Variants in EPC1 observed in about 807,000 individuals in gnomAD.
EPC1 encodes enhancer of polycomb homolog 1.
A neutral mutation model predicts 98.4 loss-of-function variants in EPC1; 12 were observed. The observed-to-expected ratio is 0.12, with a 90% confidence interval of 0.08 to 0.20. The LOEUF (loss-of-function observed/expected upper bound fraction) is 0.20. EPC1 is among the 10% of genes least tolerant of loss of function. The pLI is 1.00. For missense variants in EPC1, 729 were observed against 990.5 expected, an observed-to-expected ratio of 0.74 and a Z score of 3.54; for synonymous variants, 357 against 363.9, an observed-to-expected ratio of 0.98 and a Z score of 0.21.
intron 1 of EPC1, among the ~76,000 whole-genome samples, chr10:32,358,074 C>T (rs1390627668): frequency 6.6e-6 from 1 of 151,630 alleles, no homozygotes; most frequent in Admixed American, 6.6e-5. Context: ...AGGCTAGTCT[C>T]GAACTCCTGA....
chr10:32,311,161 A>C (rs989395363), intron 1 of EPC1, among the ~76,000 whole-genome samples: 1 of 151,982 alleles, frequency 6.6e-6, no homozygotes, highest in African/African-American at 2.4e-5. Context: ...ATACAAAAAA[A>C]AATTAGCCGG....
intron 1 of EPC1, among the ~76,000 whole-genome samples, chr10:32,330,209 G>C (rs1422215841): frequency 6.6e-6 from 1 of 152,214 alleles, no homozygotes; most frequent in Non-Finnish European, 1.5e-5. Flanking sequence ...ATAGTCTTGG[G>C]AGGACCAGTG....
chr10:32,373,972 T>C (rs548826805), intron 1 of EPC1, among the ~76,000 whole-genome samples: 2 of 152,322 alleles, frequency 1.3e-5, no homozygotes, highest in African/African-American at 4.8e-5. Context: ...ATAGATTAAT[T>C]GGCTGTATGA....
At chr10:32,330,258 T>C (rs982399354) in intron 1 of EPC1, among the ~76,000 whole-genome samples, 2 of 152,180 alleles carry the variant, frequency 1.3e-5, no homozygotes, top group African/African-American at 2.4e-5. Context: ...TGGCAATACC[T>C]TGAATTATGG....
intron 13 of EPC1, among the ~76,000 whole-genome samples, chr10:32,271,344 C>T (rs183196453): frequency 1.3e-5 from 2 of 152,256 alleles, no homozygotes; most frequent in East Asian, 3.9e-4. Context: ...GCAACATTCA[C>T]TATACCAGTT....
intron 1 of EPC1, among the ~76,000 whole-genome samples, chr10:32,373,912 T>C (rs898696609): frequency 9.2e-5 from 14 of 152,298 alleles, no homozygotes; most frequent in African/African-American, 3.1e-4. Context: ...ATCAGTAGGG[T>C]TCTATGTTAG....
At chr10:32,269,379 C>T (rs1592526009) in intron 13 of EPC1, 1 of 345,832 alleles carries the variant, frequency 2.9e-6, no homozygotes, top group East Asian at 6.0e-5. Flanking sequence ...ACTCAAGCAA[C>T]CTAGATGTTA....
chr10:32,303,016 T>A (rs561149233), intron 2 of EPC1, among the ~76,000 whole-genome samples: 1 of 151,992 alleles, frequency 6.6e-6, no homozygotes, highest in Non-Finnish European at 1.5e-5. Flanking sequence ...GAAAAACTCA[T>A]GTTCTGGCTG....
chr10:32,327,280 CAG>C (rs1448546587), intron 1 of EPC1, among the ~76,000 whole-genome samples: 2 of 152,088 alleles, frequency 1.3e-5, no homozygotes, highest in Non-Finnish European at 2.9e-5. Context: ...GAGGGAAGAA[CAG>C]TGTTTTCCAG....
At chr10:32,331,107 C>T (rs1328478247) in intron 1 of EPC1, among the ~76,000 whole-genome samples, 2 of 151,800 alleles carry the variant, frequency 1.3e-5, no homozygotes, top group Non-Finnish European at 2.9e-5. Flanking sequence ...TTTTAAATTG[C>T]ATTACAAAGA....
At chr10:32,355,143 C>T (rs1839234589) in intron 1 of EPC1, among the ~76,000 whole-genome samples, 1 of 152,142 alleles carries the variant, frequency 6.6e-6, no homozygotes, top group African/African-American at 2.4e-5. Flanking sequence ...GTCCCTGGTG[C>T]CAAAAAGACT....
At chr10:32,301,062 C>T (rs1442236995) in intron 2 of EPC1, among the ~76,000 whole-genome samples, 1 of 150,854 alleles carries the variant, frequency 6.6e-6, no homozygotes, top group African/African-American at 2.4e-5. Flanking sequence ...ATCTATCTAT[C>T]TATCTATCTA....
In EPC1 at chr10:32,284,911, A is replaced by G; in HGVS notation, c.1531T>C (p.Ser511Pro). ...SETNTSDKSF[S>P]KDLSQILVNI... ...ACTAGTATCTGACTGAGGTCTTTAG[A>G]GAAAGATTTGTCCGAGGTATTTGTT... The change falls in exon 10 of 14, where the codon TCT (serine) becomes CCT (proline). Residue 511 changes from serine to proline, a missense_variant. This residue lies in a region of EPC1 where 390 missense variants were observed against 438.6 expected (regional missense o/e 0.89). Transcript: ENST00000319778. 3.1e-6 allele frequency: 5 copies of G among 1,614,196 alleles called. No individual in the cohort carries two copies. Among genetic ancestry groups the G allele is most frequent in the Non-Finnish European group, 4.2e-6 (5 of 1,180,036 alleles).
chr10:32,359,930 T>C (rs994436212), intron 1 of EPC1, among the ~76,000 whole-genome samples: 22 of 152,312 alleles, frequency 1.4e-4, no homozygotes, highest in East Asian at 9.6e-4. Flanking sequence ...TTAGTAGTTT[T>C]GTATCATTTA....
chr10:32,371,517 C>T (rs557004348), intron 1 of EPC1, among the ~76,000 whole-genome samples: 10 of 152,276 alleles, frequency 6.6e-5, no homozygotes, highest in East Asian at 1.9e-4. Flanking sequence ...GTAAAGTATG[C>T]GTGCTATTTT....
In EPC1 at chr10:32,357,370, G is replaced by A. The variant is rs1195688493; in HGVS notation, c.3+21121C>T. Among the ~76,000 whole-genome samples the A allele has an allele frequency of 4.6e-5, 7 of 152,236 alleles. No homozygotes were observed. The East Asian group carries it at 7.7e-4, about 17-fold the overall frequency. ...ACTGCAGCAGCATGTATATTGGAAC[G>A]AGATAATATTTTTTGTTTCAATTGA... On this transcript the variant is annotated intron_variant, in intron 1 of 13. Coordinates refer to the EPC1 transcript ENST00000375110.
chr10:32,300,733 C>T (rs559857619), intron 2 of EPC1, among the ~76,000 whole-genome samples: 52 of 152,180 alleles, frequency 3.4e-4, no homozygotes, highest in Non-Finnish European at 5.9e-5. Context: ...CGCGTCCCGC[C>T]GATTTTTACT....
At chr10:32,369,206 T>C (rs1021230026) in intron 1 of EPC1, among the ~76,000 whole-genome samples, 1 of 152,208 alleles carries the variant, frequency 6.6e-6, no homozygotes, top group Non-Finnish European at 1.5e-5. Context: ...CGAGACAATG[T>C]GAAAGAATAT....
chr10:32,370,943 A>G (rs1839728568), intron 1 of EPC1, among the ~76,000 whole-genome samples: 1 of 152,196 alleles, frequency 6.6e-6, no homozygotes, highest in African/African-American at 2.4e-5. Flanking sequence ...GCCCAAACTC[A>G]TTGCTTATGC....
Sources: gnomAD v4.1 joint callset for allele counts (sites outside exome capture counted in the v4.1 genomes callset) on GRCh38, gnomAD v4.1.1 for gene constraint, gnomAD v4.1.1 regional missense constraint, MANE v1.5 for transcripts, NCBI Gene and HGNC (gene_info 2026-07-23, HGNC 2026-07-21) for gene names.